ST6GALNAC3: variants seen among roughly 807,000 people sequenced by gnomAD.
ST6GALNAC3 encodes alpha-N-acetylgalactosaminide alpha-2,6-sialyltransferase 3.
ST6GALNAC3 carries 25 observed loss-of-function variants against 32.7 expected under a neutral mutation model. The ratio of observed to expected loss-of-function variants is 0.76; its 90% CI spans 0.56 to 1.07. The LOEUF is 1.07. Among genes scored for constraint, ST6GALNAC3 ranks in the 50% least tolerant of loss-of-function variants. The pLI is 0.00. For missense variants in ST6GALNAC3, 355 were observed against 382.4 expected (o/e 0.93, Z 0.60); for synonymous variants, 129 against 133.1 (o/e 0.97, Z 0.21).
chr1:76,169,091 G>A (rs550424716), intron 1 of ST6GALNAC3, among the ~76,000 whole-genome samples: 1 of 152,116 alleles, frequency 6.6e-6, no homozygotes, highest in East Asian at 1.9e-4. Flanking sequence ...TGCTGGTAAT[G>A]CTTTCCTTTC....
chr1:76,484,328 A>C (rs1198246357), intron 3 of ST6GALNAC3, among the ~76,000 whole-genome samples: 1 of 152,124 alleles, frequency 6.6e-6, no homozygotes, highest in Non-Finnish European at 1.5e-5. Context: ...GGCCATTTTC[A>C]CAATATTGAT....
intron 3 of ST6GALNAC3, among the ~76,000 whole-genome samples, chr1:76,459,104 T>C (rs1658087196): frequency 6.6e-6 from 1 of 152,184 alleles, no homozygotes; most frequent in Non-Finnish European, 1.5e-5. Context: ...CCTTAGCAGT[T>C]TATGTACCCC....
chr1:76,521,988 G>C (rs1366505344), intron 3 of ST6GALNAC3, among the ~76,000 whole-genome samples: 1 of 151,052 alleles, frequency 6.6e-6, no homozygotes, highest in Non-Finnish European at 1.5e-5. Flanking sequence ...AGAATTGCTT[G>C]AACTCAGGAA....
intron 2 of ST6GALNAC3, among the ~76,000 whole-genome samples, chr1:76,338,439 A>T (rs1457820029): frequency 6.6e-6 from 1 of 152,172 alleles, no homozygotes; most frequent in Non-Finnish European, 1.5e-5. Context: ...GACCCCTATA[A>T]TTCTAGATTC....
At chr1:76,341,348 G>T (rs1370273608) in intron 2 of ST6GALNAC3, among the ~76,000 whole-genome samples, 1 of 151,958 alleles carries the variant, frequency 6.6e-6, no homozygotes, top group East Asian at 2.0e-4. Flanking sequence ...TAGGATAATG[G>T]CCTCTAGCTT....
chr1:76,252,167 A>C (rs1036081802), intron 1 of ST6GALNAC3, among the ~76,000 whole-genome samples: 8 of 152,176 alleles, frequency 5.3e-5, no homozygotes, highest in African/African-American at 1.7e-4. Flanking sequence ...GGAGTGGCTC[A>C]TCTGACCCTG....
chr1:76,387,466 T>G (rs1206743614), intron 2 of ST6GALNAC3, among the ~76,000 whole-genome samples: 3 of 152,242 alleles, frequency 2.0e-5, no homozygotes, highest in East Asian at 1.9e-4. Context: ...AGATTCTGTT[T>G]AGATGCTTTT....
chr1:76,177,536 T>C (rs567011117), intron 1 of ST6GALNAC3, among the ~76,000 whole-genome samples: 1 of 152,302 alleles, frequency 6.6e-6, no homozygotes, highest in East Asian at 1.9e-4. Context: ...CTGATTTTTA[T>C]GCAACTGCGC....
chr1:76,369,471 C>T (rs1006647880), intron 2 of ST6GALNAC3, among the ~76,000 whole-genome samples: 1 of 152,106 alleles, frequency 6.6e-6, no homozygotes, highest in Admixed American at 6.5e-5. Flanking sequence ...GATTCTATTG[C>T]ATTATCTTTA....
At chr1:76,567,060 T>G (rs114591425) in intron 3 of ST6GALNAC3, among the ~76,000 whole-genome samples, 1,885 of 152,156 alleles carry the variant, frequency 0.012, 38 homozygotes, top group African/African-American at 0.043. Flanking sequence ...GAGGGAGGAA[T>G]CTAGGACAGA....
At chr1:76,247,658 C>T (rs373103706) in intron 1 of ST6GALNAC3, among the ~76,000 whole-genome samples, 20 of 152,012 alleles carry the variant, frequency 1.3e-4, no homozygotes, top group African/African-American at 4.8e-4. Flanking sequence ...CAGTAATGGC[C>T]GATGCCCCTC....
intron 3 of ST6GALNAC3, among the ~76,000 whole-genome samples, chr1:76,477,006 C>T (rs148722541): frequency 1.0e-3 from 152 of 152,224 alleles, no homozygotes; most frequent in Middle Eastern, 6.8e-3. Context: ...AGTGGTGATC[C>T]AGGTTAGTCT....
intron 2 of ST6GALNAC3, among the ~76,000 whole-genome samples, chr1:76,361,603 A>G (rs984802316): frequency 5.9e-5 from 9 of 152,174 alleles, no homozygotes; most frequent in African/African-American, 2.2e-4. Flanking sequence ...AGATGAAGGA[A>G]GAATATTTTT....
intron 3 of ST6GALNAC3, among the ~76,000 whole-genome samples, chr1:76,450,863 T>C (rs1236129995): frequency 6.6e-6 from 1 of 152,196 alleles, no homozygotes; most frequent in African/African-American, 2.4e-5. Context: ...TGGATGTAAG[T>C]ATTTGGCTTT....
chr1:76,437,304 C>A (rs911622298), intron 3 of ST6GALNAC3, among the ~76,000 whole-genome samples: 3 of 152,074 alleles, frequency 2.0e-5, no homozygotes, highest in Admixed American at 2.0e-4. Flanking sequence ...TCAGGTCTCT[C>A]GAGATATTTA....
At chr1:76,109,526 T>G (rs1251322585) in intron 1 of ST6GALNAC3, among the ~76,000 whole-genome samples, 1 of 152,236 alleles carries the variant, frequency 6.6e-6, no homozygotes, top group Non-Finnish European at 1.5e-5. Context: ...TCCACCTTTC[T>G]AAAGGCTTTG....
At chr1:76,326,225 A>G (rs1251611917) in intron 2 of ST6GALNAC3, among the ~76,000 whole-genome samples, 2 of 152,168 alleles carry the variant, frequency 1.3e-5, no homozygotes, top group Admixed American at 6.5e-5. Context: ...ATGGTGGAAA[A>G]AGCACAAAAG....
At chr1:76,354,489 T>A (rs1350831088) in intron 2 of ST6GALNAC3, among the ~76,000 whole-genome samples, 1 of 152,198 alleles carries the variant, frequency 6.6e-6, no homozygotes, top group African/African-American at 2.4e-5. Flanking sequence ...TGTAATAGAT[T>A]TTTGGCTTAA....
chr1:76,497,519 G>A (rs1366578397), intron 3 of ST6GALNAC3, among the ~76,000 whole-genome samples: 1 of 152,200 alleles, frequency 6.6e-6, no homozygotes, highest in Non-Finnish European at 1.5e-5. Context: ...CTTTCACTGA[G>A]ATGAAGGAGC....
Sources: gnomAD v4.1 joint callset for allele counts (sites outside exome capture counted in the v4.1 genomes callset) on GRCh38, gnomAD v4.1.1 for gene constraint, MANE v1.5 for transcripts, NCBI Gene and HGNC (gene_info 2026-07-23, HGNC 2026-07-21) for gene names.